Variants in ITGAM observed in about 807,000 individuals in gnomAD.
ITGAM encodes integrin subunit alpha M.
ITGAM carries 79 observed loss-of-function variants against 137.5 expected under a neutral mutation model. That is an observed-to-expected ratio of 0.57 (90% CI 0.48 to 0.69). The LOEUF (loss-of-function observed/expected upper bound fraction) is 0.69, where lower values mean the gene tolerates loss of function less well. Among genes scored for constraint, ITGAM ranks in the 30% least tolerant of loss-of-function variants. ITGAM has a pLI of 0.00. For synonymous variants in ITGAM, 583 were observed against 592.3 expected (o/e 0.98, Z 0.23); for missense variants, 1,343 against 1,483.5 (o/e 0.91, Z 1.56).
chr16:31,316,309 C>A (rs1368533834), intron 14 of ITGAM, among the ~76,000 whole-genome samples: 1 of 149,892 alleles, frequency 6.7e-6, no homozygotes, highest in Non-Finnish European at 1.5e-5. Context: ...AATGGGGGAA[C>A]CTGGGAGGAA....
At chr16:31,261,644 T>A in intron 1 of ITGAM, 48 bp from the exon 2 acceptor site, 1 of 1,261,542 alleles carries the variant, frequency 7.9e-7, no homozygotes, top group East Asian at 2.5e-5. Context: ...AGCCCCTAAC[T>A]GGCATGCTAC....
intron 14 of ITGAM, among the ~76,000 whole-genome samples, chr16:31,311,690 C>T (rs973167635): frequency 2.6e-5 from 4 of 152,122 alleles, no homozygotes; most frequent in African/African-American, 9.7e-5. Context: ...GTTGGTGGGA[C>T]TGTAAACTAG....
rs1175161101 is a variant in ITGAM, at chr16:31,331,757, C to T, written c.*50C>T. On this transcript the variant is annotated 3_prime_UTR_variant, in exon 30 of 30. Coordinates refer to ENST00000544665, the MANE Select transcript of ITGAM (RefSeq NM_000632.4). Reference sequence around the variant, plus strand: ...TCTCGGTGGCCAGCAGGACTCTGCCCAGACCACACGTAGCCCCCAGGCTGC... The same window carrying T: ...TCTCGGTGGCCAGCAGGACTCTGCCTAGACCACACGTAGCCCCCAGGCTGC... The T allele has an allele frequency of 7.1e-7, 1 of 1,412,462 alleles. No individual in the cohort carries two copies. The allele number at this position is 1,412,462 out of a possible 1,614,324, so 87.5% of individuals were successfully genotyped here. A position where few individuals can be genotyped will look rare whatever the true frequency, so the allele number is the denominator to read the frequency against.
At chr16:31,280,130 G>A (rs988945564) in intron 12 of ITGAM, among the ~76,000 whole-genome samples, 19 of 152,122 alleles carry the variant, frequency 1.2e-4, no homozygotes, top group Non-Finnish European at 1.3e-4. Flanking sequence ...TGCTGTTTTG[G>A]TTACTGTAGT....
At chr16:31,320,366 A>G (rs2080436506) in intron 14 of ITGAM, among the ~76,000 whole-genome samples, 1 of 152,226 alleles carries the variant, frequency 6.6e-6, no homozygotes. Flanking sequence ...CTTTTATACC[A>G]TAATTAAAAG....
At position 31,297,783 on chromosome 16, in the gene ITGAM, G is replaced by A. The variant is rs773593580; in HGVS notation, c.1536G>A (p.Glu512=). 3 of 1,606,358 alleles carry A rather than the reference G, an allele frequency of 1.9e-6. No homozygotes were observed. Among genetic ancestry groups the A allele is most frequent in the Non-Finnish European group, 1.7e-6 (2 of 1,177,248 alleles). ...RWQCDAVLYG[E]QGQPWGRFGA... ...AGTGTGATGCTGTTCTCTACGGGGAGCAGGGCCAACCCTGGGGCCGCTTTG... is the reference window on the plus strand; with the variant it reads ...AGTGTGATGCTGTTCTCTACGGGGAACAGGGCCAACCCTGGGGCCGCTTTG... Residue 512 remains glutamate (E), a synonymous_variant, in exon 14 of 30, where the codon GAG becomes GAA. Coordinates refer to ENST00000544665, the MANE Select transcript of ITGAM (RefSeq NM_000632.4).
chr16:31,281,593 A>G (rs1483300429), intron 12 of ITGAM, among the ~76,000 whole-genome samples: 1 of 152,096 alleles, frequency 6.6e-6, no homozygotes, highest in South Asian at 2.1e-4. Flanking sequence ...TATTGCGTCT[A>G]TTTGATTCTT....
chr16:31,309,533 A>T (rs2080300670), intron 14 of ITGAM, among the ~76,000 whole-genome samples: 2 of 149,562 alleles, frequency 1.3e-5, no homozygotes, highest in African/African-American at 2.5e-5. Context: ...CTTTATTTTG[A>T]GCCTATGTGT....
intron 12 of ITGAM, among the ~76,000 whole-genome samples, chr16:31,289,108 C>T (rs376634833): frequency 3.4e-4 from 52 of 152,040 alleles, no homozygotes; most frequent in African/African-American, 1.1e-3. Flanking sequence ...GGAAACAACA[C>T]GTGCTGGAGA....
Position 31,331,906 on chromosome 16 carries a change from TGCGTGC to T in ITGAM, c.*200_*205del, listed in dbSNP as rs958740311. ...GCAAGTGTGTGCACATGTGTGCGTG[TGCGTGC>T]ATGTGCACTTGCACGCCCATGTGTG... On this transcript the variant is annotated 3_prime_UTR_variant, in exon 30 of 30. Transcript: ENST00000544665. 46 of 569,636 alleles carry T rather than the reference TGCGTGC, an allele frequency of 8.1e-5. No individual in the cohort carries two copies. The African/African-American group carries it at 8.2e-4, about 10-fold the overall frequency. 35.3% of individuals were successfully genotyped at this position (569,636 alleles called of 1,614,324 possible). A position where few individuals can be genotyped will look rare whatever the true frequency, so the allele number is the denominator to read the frequency against.
rs140336836 is a variant in ITGAM, at chr16:31,273,611, G to A, written c.858+93G>A. 6.2e-4 allele frequency: 798 copies of A among 1,289,910 alleles called. 15 individuals are homozygous for A. In the East Asian group the frequency reaches 0.016, roughly 26 times the overall value. The allele number at this position is 1,289,910 out of a possible 1,614,324, so 79.9% of individuals were successfully genotyped here. A position where few individuals can be genotyped will look rare whatever the true frequency, so the allele number is the denominator to read the frequency against. ...ATTTGCAAATATTATTAAAATCAAA[G>A]TGACATGAGAGCTAATGCTAGCTCA... On this transcript the variant is annotated intron_variant, in intron 8 of 29. Transcript: ENST00000544665.
intron 14 of ITGAM, among the ~76,000 whole-genome samples, chr16:31,309,923 G>A (rs2080307046): frequency 6.6e-6 from 1 of 151,990 alleles, no homozygotes; most frequent in African/African-American, 2.4e-5. Context: ...GCTTAGTTTG[G>A]CTGGATATGA....
At chr16:31,321,692 C>G (rs567263531) in intron 16 of ITGAM, 65 bp downstream of exon 16, 2 of 1,518,040 alleles carry the variant, frequency 1.3e-6, no homozygotes, top group Non-Finnish European at 1.8e-6. Flanking sequence ...TGCTGCAATC[C>G]ACTCTGCCCA....
chr16:31,313,487 C>G (rs1353759089), intron 14 of ITGAM, among the ~76,000 whole-genome samples: 1 of 151,834 alleles, frequency 6.6e-6, no homozygotes, highest in East Asian at 1.9e-4. Context: ...TGTTTGCTTT[C>G]CTGTTCCTGT....
At chr16:31,311,616 A>C (rs2080332657) in intron 14 of ITGAM, among the ~76,000 whole-genome samples, 3 of 152,244 alleles carry the variant, frequency 2.0e-5, no homozygotes, top group Admixed American at 1.3e-4. Context: ...AATGGCAATC[A>C]TTAAAAAGTC....
intron 14 of ITGAM, among the ~76,000 whole-genome samples, chr16:31,305,695 GC>G (rs2080257946): frequency 6.6e-6 from 1 of 151,996 alleles, no homozygotes; most frequent in Non-Finnish European, 1.5e-5. Flanking sequence ...TTTATCAAAT[GC>G]TTGTTCTGCA....
At chr16:31,290,429 A>G (rs1365992076) in intron 12 of ITGAM, among the ~76,000 whole-genome samples, 1 of 152,202 alleles carries the variant, frequency 6.6e-6, no homozygotes, top group East Asian at 1.9e-4. Context: ...TATAAAAGCT[A>G]CTTTGAAGAA....
rs1030683453 is a variant in ITGAM at position 31,273,366 on chromosome 16, C to T, written c.706C>T (p.Arg236Ter). 11 of 1,612,936 alleles carry T rather than the reference C, an allele frequency of 6.8e-6. No individual in the cohort carries two copies. Among genetic ancestry groups the T allele is most frequent in the South Asian group, 1.1e-5 (1 of 91,042 alleles). ...TTGTCCCTCCTGTTTCCTGCACAGA[C>T]GAGAGCTGTTTAACATCACCAACGG... is the stretch of plus-strand genomic sequence containing the variant. ...HTATGIRKVV[R>*]ELFNITNGAR... Residue 236 changes from arginine to a stop codon, truncating the protein, a stop_gained and splice_region_variant, in exon 8 of 30, where the codon CGA becomes TGA. Transcript: ENST00000544665. LOFTEE classifies it high-confidence loss of function.
intron 14 of ITGAM, among the ~76,000 whole-genome samples, chr16:31,309,577 G>GCA (rs1363649078): frequency 1.3e-5 from 2 of 151,870 alleles, no homozygotes; most frequent in African/African-American, 4.8e-5. Context: ...CCTGAATACA[G>GCA]CACACTGATG....
Sources: allele counts gnomAD v4.1 joint callset (sites outside exome capture counted in the v4.1 genomes callset), GRCh38; gene constraint gnomAD v4.1.1; transcripts MANE v1.5; gene names NCBI Gene and HGNC (gene_info 2026-07-23, HGNC 2026-07-21).